UBXN6: variants seen among roughly 807,000 people sequenced by gnomAD.
UBXN6 encodes the protein UBX domain protein 6.
In UBXN6, 44 loss-of-function variants were observed where a neutral mutation model predicts 51.4. That is an observed-to-expected ratio of 0.86 (90% CI 0.67 to 1.10). The LOEUF (loss-of-function observed/expected upper bound fraction) is 1.10, where lower values mean the gene tolerates loss of function less well. Ranked by LOEUF, UBXN6 falls within the 50% of genes least tolerant of loss-of-function variation. The pLI is 0.00. For synonymous variants in UBXN6, 316 were observed against 263.2 expected, an observed-to-expected ratio of 1.20 and a Z score of -1.94; for missense variants, 672 against 596.1, an observed-to-expected ratio of 1.13 and a Z score of -1.32.
At chr19:4,452,685 A>G (rs1224452215) in intron 3 of UBXN6, among the ~76,000 whole-genome samples, 193 bp from the exon 4 acceptor site, 2 of 152,200 alleles carry the variant, frequency 1.3e-5, no homozygotes, top group Non-Finnish European at 2.9e-5. Context: ...GGTATGTCAA[A>G]TGTCCCTGTG....
intron 4 of UBXN6, chr19:4,450,573 A>G (rs1946877067): frequency 6.6e-6 from 1 of 151,990 alleles, no homozygotes. Flanking sequence ...CCTGGCTAAC[A>G]TGGTGAAACC....
At chr19:4,452,252 A>T in intron 4 of UBXN6, 112 bp downstream of exon 4, 1 of 1,477,236 alleles carries the variant, frequency 6.8e-7, no homozygotes, top group East Asian at 2.3e-5. Context: ...CACTACTAGC[A>T]GTGGCCTCTG....
At position 4,445,945 on chromosome 19, in the gene UBXN6, C is replaced by T. The variant is rs767239791; in HGVS notation, c.1200+104G>A. 3 of 1,494,556 alleles carry T rather than the reference C, an allele frequency of 2.0e-6. No individual in the cohort carries two copies. In the South Asian group the frequency reaches 4.0e-5, roughly 20 times the overall value. 92.6% of individuals were successfully genotyped at this position (1,494,556 alleles called of 1,614,324 possible). A position where few individuals can be genotyped will look rare whatever the true frequency, so the allele number is the denominator to read the frequency against. On this transcript the variant is annotated intron_variant, in intron 10 of 10. Coordinates refer to ENST00000301281, the MANE Select transcript of UBXN6 (RefSeq NM_025241.3). The stretch of plus-strand genomic sequence containing the variant: ...AAACCCAGGGACCTGCCCAGGCCCC[C>T]TGCTCTGAGAACAAGGAGGCTCCCT...
rs1319672947 is a variant in UBXN6 at position 4,446,425 on chromosome 19, G to T, written c.921-12C>A. 5 of 1,577,566 alleles carry T rather than the reference G, an allele frequency of 3.2e-6. No individual in the cohort carries two copies. The highest frequency in any genetic ancestry group is 4.3e-6 in the Non-Finnish European group (5 of 1,168,138). On this transcript the variant is annotated splice_polypyrimidine_tract_variant and intron_variant, in intron 8 of 10. Transcript: ENST00000301281. ...CCACCGCCTCGGACCTGCACACGCGGGCCAGGTCACGAGGGCTGGCCGGGG... is the reference window on the plus strand; with the variant it reads ...CCACCGCCTCGGACCTGCACACGCGTGCCAGGTCACGAGGGCTGGCCGGGG...
At position 4,457,718 on chromosome 19, in the gene UBXN6, C is replaced by CG. The variant is rs762263493; in HGVS notation, c.-22dup. ...TTCATGGTGGCGGCTGGCCCGGCGGCGGGGGGCCGCGGGGGCGGGGGGGCA... is the reference window on the plus strand; with the variant it reads ...TTCATGGTGGCGGCTGGCCCGGCGGCGGGGGGGCCGCGGGGGCGGGGGGGCA... On this transcript the variant is annotated 5_prime_UTR_variant, in exon 1 of 11. Transcript: ENST00000301281. The CG allele has an allele frequency of 4.0e-5, 52 of 1,304,900 alleles. No individual in the cohort carries two copies. The highest frequency in any genetic ancestry group is 4.7e-5 in the Non-Finnish European group (47 of 1,006,162). 80.8% of individuals were successfully genotyped at this position (1,304,900 alleles called of 1,614,324 possible).
intron 2 of UBXN6, 102 bp downstream of exon 2, chr19:4,453,828 C>T (rs1380766133): frequency 1.3e-6 from 2 of 1,504,690 alleles, no homozygotes; most frequent in South Asian, 1.3e-5. Flanking sequence ...GTGACCCTCA[C>T]ACCCCCACGG....
At chr19:4,447,816 A>C in intron 5 of UBXN6, 191 bp from the exon 6 acceptor site, 2 of 602,776 alleles carry the variant, frequency 3.3e-6, no homozygotes, top group Non-Finnish European at 6.0e-6. Context: ...CATGGAGCCC[A>C]CCCCTGGTGC....
chr19:4,456,039 GCCCACCCAC>G (rs1227273935), intron 1 of UBXN6, among the ~76,000 whole-genome samples: 1 of 151,942 alleles, frequency 6.6e-6, no homozygotes, highest in Non-Finnish European at 1.5e-5. Flanking sequence ...AGGACTTGGT[GCCCACCCAC>G]CCCACACACC....
intron 10 of UBXN6, 155 bp from the exon 11 acceptor site, chr19:4,445,778 C>T (rs34822893): frequency 0.015 from 18,727 of 1,269,904 alleles, 162 homozygotes; most frequent in Non-Finnish European, 0.018. Context: ...TGCCCTCTCC[C>T]TCCGGGACTC....
intron 1 of UBXN6, among the ~76,000 whole-genome samples, chr19:4,454,625 C>T (rs1244255786): frequency 6.6e-6 from 1 of 152,166 alleles, no homozygotes; most frequent in Non-Finnish European, 1.5e-5. Context: ...CTATGTAGCT[C>T]AGGCTGGTCT....
intron 5 of UBXN6, 78 bp downstream of exon 5, chr19:4,448,240 A>G: frequency 7.6e-7 from 1 of 1,313,848 alleles, no homozygotes; most frequent in South Asian, 1.3e-5. Context: ...AGGGGGCCAG[A>G]GGGGGTGACA....
At chr19:4,455,242 C>CGTA in intron 1 of UBXN6, 1 of 985,524 alleles carries the variant, frequency 1.0e-6, no homozygotes, top group South Asian at 4.7e-5. Context: ...ATTTCTGTGC[C>CGTA]GTAGGTCTAT....
chr19:4,451,638 G>A lies in UBXN6; in HGVS notation c.441+726C>T, dbSNP rs147636603. On this transcript the variant is annotated intron_variant, in intron 4 of 10. Transcript: ENST00000301281. Reference sequence around the variant, plus strand: ...TTGCTGTATTGGAAAAAAATGCTGTGGACGTTTTTATTTTTTGAGATGGAG... The same window carrying A: ...TTGCTGTATTGGAAAAAAATGCTGTAGACGTTTTTATTTTTTGAGATGGAG... 3.4e-3 allele frequency among the ~76,000 whole-genome samples: 520 copies of A among 152,100 alleles called. 3 individuals carry two copies. The highest frequency in any genetic ancestry group is 4.1e-3 in the Non-Finnish European group (276 of 67,978).
chr19:4,448,410 G>T lies in UBXN6; in HGVS notation c.447C>A (p.Phe149Leu), dbSNP rs1443477952. 1.9e-6 allele frequency: 3 copies of T among 1,605,770 alleles called. No individual in the cohort carries two copies. The highest frequency in any genetic ancestry group is 2.5e-6 in the Non-Finnish European group (3 of 1,176,990). ...TGGAGGCGGCCACTGGGTCGGTGGA[G>T]AAGTGCTGGGAGGAGGGAAGCAGGG... is the stretch of plus-strand genomic sequence containing the variant. ...ACIKEAILLH[F>L]STDPVAASIM... The change falls in exon 5 of 11, where the codon TTC becomes TTA. Residue 149 changes from phenylalanine (F) to leucine (L), a missense_variant. Transcript: ENST00000301281.
At chr19:4,447,020 G>T (rs568045343) in intron 6 of UBXN6, 100 bp from the exon 7 acceptor site, 157 of 1,221,014 alleles carry the variant, frequency 1.3e-4, no homozygotes, top group Non-Finnish European at 1.7e-4. Flanking sequence ...ATTGGGAGCA[G>T]CTGTCGACCC....
chr19:4,447,860 A>T, intron 5 of UBXN6: 1 of 559,762 alleles, frequency 1.8e-6, no homozygotes, highest in Non-Finnish European at 3.2e-6. Flanking sequence ...TCACCGTCCC[A>T]CCAGCCCTGG....
intron 6 of UBXN6, chr19:4,447,202 C>A: frequency 1.7e-6 from 1 of 579,012 alleles, no homozygotes; most frequent in Non-Finnish European, 3.1e-6. Flanking sequence ...AGGCTAACAC[C>A]GCCCAGGACC....
chr19:4,457,655 T>C lies in UBXN6; in HGVS notation c.43A>G (p.Lys15Glu), dbSNP rs1415926458. ...AGCTTCTGACCGGGTCCCGCGCTCT[T>C]GAACTTGATGTCGGCCTTGAACTCC... ...FQEFKADIKF[K>E]SAGPGQKLKE... is the part of the protein sequence containing the mutation. The change falls in exon 1 of 11, where the codon AAG becomes GAG. Residue 15 changes from lysine (K) to glutamate (E), a missense_variant. By Grantham distance (56) the Lys-to-Glu change is moderately conservative. Coordinates refer to ENST00000301281, the MANE Select transcript of UBXN6 (RefSeq NM_025241.3). The C allele has an allele frequency of 1.2e-5, 19 of 1,600,846 alleles. No individual in the cohort carries two copies. Among genetic ancestry groups the C allele is most frequent in the Non-Finnish European group, 1.6e-5 (19 of 1,174,652 alleles).
At chr19:4,448,099 C>T in intron 5 of UBXN6, 1 of 588,298 alleles carries the variant, frequency 1.7e-6, no homozygotes, top group Admixed American at 3.0e-5. Context: ...ACCCCTGATT[C>T]CTTCAACACC....
Sources: gnomAD v4.1 joint callset for allele counts (sites outside exome capture counted in the v4.1 genomes callset) on GRCh38, gnomAD v4.1.1 for gene constraint, MANE v1.5 for transcripts, NCBI Gene and HGNC (gene_info 2026-07-23, HGNC 2026-07-21) for gene names.